NUMB: variants seen among roughly 807,000 people sequenced by gnomAD.
NUMB encodes the protein protein numb homolog.
In NUMB, 29 loss-of-function variants were observed where a neutral mutation model predicts 59.7. The observed-to-expected ratio is 0.49, with a 90% CI of 0.36 to 0.66. The LOEUF (loss-of-function observed/expected upper bound fraction) is 0.66, where lower values mean the gene tolerates loss of function less well. Among genes scored for constraint, NUMB ranks in the 30% least tolerant of loss-of-function variants. NUMB has a pLI of 0.00. For missense variants in NUMB, 723 were observed against 822.0 expected (o/e 0.88, Z 1.47); for synonymous variants, 288 against 288.2 (o/e 1.00, Z 0.01).
At chr14:73,417,776 C>A (rs925435225) in intron 1 of NUMB, among the ~76,000 whole-genome samples, 5 of 152,068 alleles carry the variant, frequency 3.3e-5, no homozygotes, top group African/African-American at 9.7e-5. Context: ...AAGATGAAAA[C>A]AACCTAAGTG....
chr14:73,368,355 T>C (rs1016228420), intron 2 of NUMB, among the ~76,000 whole-genome samples: 1 of 152,086 alleles, frequency 6.6e-6, no homozygotes, highest in African/African-American at 2.4e-5. Flanking sequence ...GGCAAGTGGA[T>C]CGCCTGAGGT....
intron 1 of NUMB, among the ~76,000 whole-genome samples, chr14:73,438,103 C>T (rs1030287169): frequency 5.9e-5 from 9 of 152,162 alleles, no homozygotes; most frequent in Admixed American, 4.6e-4. Context: ...TTCTAGAAAG[C>T]AACTGTGCAA....
intron 1 of NUMB, among the ~76,000 whole-genome samples, chr14:73,437,041 CTTTTTTTTT>C (rs71112755): frequency 9.4e-6 from 1 of 106,664 alleles, no homozygotes; most frequent in African/African-American, 3.7e-5. Flanking sequence ...TTTTCTCTCT[CTTTTTTTTT>C]TTTTTTTTTT....
At chr14:73,351,773 G>A (rs184480801) in intron 4 of NUMB, among the ~76,000 whole-genome samples, 3,940 of 151,986 alleles carry the variant, frequency 0.026, 68 homozygotes, top group Non-Finnish European at 0.042. Flanking sequence ...TCAGGAGATC[G>A]AGACCATCCT....
At chr14:73,445,041 G>A (rs1883374319) in intron 1 of NUMB, among the ~76,000 whole-genome samples, 2 of 151,854 alleles carry the variant, frequency 1.3e-5, no homozygotes, top group Admixed American at 1.3e-4. Flanking sequence ...AAATAAAAGA[G>A]GTCAAGCCTA....
intron 4 of NUMB, among the ~76,000 whole-genome samples, chr14:73,336,306 G>A (rs929067925): frequency 3.3e-5 from 5 of 152,300 alleles, no homozygotes; most frequent in Non-Finnish European, 5.9e-5. Context: ...ACAAAGAGAA[G>A]ATGACAGAAT....
chr14:73,448,810 T>C (rs567055769), intron 1 of NUMB, among the ~76,000 whole-genome samples: 1 of 152,226 alleles, frequency 6.6e-6, no homozygotes, highest in Admixed American at 6.5e-5. Context: ...AACTCACATG[T>C]ATTTGGAAGA....
chr14:73,424,367 G>A (rs1344740865), intron 1 of NUMB, among the ~76,000 whole-genome samples: 8 of 152,044 alleles, frequency 5.3e-5, no homozygotes, highest in South Asian at 2.1e-4. Context: ...TTCTGACAAC[G>A]AATTAACATA....
rs1471690978 is a variant in NUMB, at chr14:73,379,640, A to C, written c.-100-12659T>G. ...GGTTATATTTGAGCAAACAGATCTA[A>C]AGGCAGTTGAGTAGTAAGAGGGCAA... On this transcript the variant is annotated intron_variant, in intron 2 of 12. Coordinates refer to ENST00000555238, the MANE Select transcript of NUMB (RefSeq NM_001005743.2). Among the ~76,000 whole-genome samples the C allele has an allele frequency of 2.0e-5, 3 of 152,208 alleles. No homozygotes were observed. In the East Asian group the frequency reaches 5.8e-4, roughly 29 times the overall value.
chr14:73,321,720 G>A (rs1891414944), intron 5 of NUMB, among the ~76,000 whole-genome samples: 1 of 152,222 alleles, frequency 6.6e-6, no homozygotes, highest in Non-Finnish European at 1.5e-5. Context: ...CGTAATGACA[G>A]ATTGGGAGAG....
At chr14:73,401,968 C>T (rs761390647) in intron 2 of NUMB, among the ~76,000 whole-genome samples, 1 of 152,140 alleles carries the variant, frequency 6.6e-6, no homozygotes, top group South Asian at 2.1e-4. Context: ...CTCAAGCAAT[C>T]TTCCTGCCTC....
chr14:73,352,475 CACATATATATATATATATATATATAT>C (rs1893399973), intron 4 of NUMB, among the ~76,000 whole-genome samples: 184 of 13,728 alleles, frequency 0.013, 28 homozygotes, highest in East Asian at 0.043. Context: ...CACACACACA[CACATATATATATATATATATATATAT>C]ATATATATAT....
chr14:73,299,579 CAT>C (rs34425442), intron 6 of NUMB, among the ~76,000 whole-genome samples: 23 of 139,540 alleles, frequency 1.6e-4, no homozygotes, highest in Middle Eastern at 3.6e-3. Context: ...TATGACATGA[CAT>C]ATGTCATGTC....
chr14:73,286,709 C>T (rs897327399), intron 9 of NUMB: 27 of 237,168 alleles, frequency 1.1e-4, no homozygotes, highest in South Asian at 5.5e-4. Flanking sequence ...TCTCTGCTAG[C>T]ATCATAGTCC....
At chr14:73,323,317 TTGAAATC>T in intron 4 of NUMB, 113 bp from the exon 5 acceptor site, 1 of 651,458 alleles carries the variant, frequency 1.5e-6, no homozygotes, top group East Asian at 3.1e-5. Context: ...CTGAAAAAAT[TTGAAATC>T]TGAAACACTT....
At chr14:73,350,821 G>A (rs1172569079) in intron 4 of NUMB, among the ~76,000 whole-genome samples, 2 of 151,846 alleles carry the variant, frequency 1.3e-5, no homozygotes, top group Non-Finnish European at 1.5e-5. Flanking sequence ...GAGCCACCAT[G>A]CACAGCCTAA....
intron 3 of NUMB, 77 bp downstream of exon 3, chr14:73,366,820 A>G (rs947972119): frequency 6.6e-6 from 1 of 152,214 alleles, no homozygotes; most frequent in Non-Finnish European, 1.5e-5. Flanking sequence ...TAATACTAAC[A>G]CAACTTATCA....
chr14:73,277,391 G>GTTAGGA, intron 12 of NUMB, 98 bp from the exon 13 acceptor site: 1 of 954,472 alleles, frequency 1.0e-6, no homozygotes, highest in Non-Finnish European at 1.5e-6. Flanking sequence ...TGTACAACAT[G>GTTAGGA]TCCCCCCCTA....
chr14:73,302,413 T>G (rs1261009829), intron 6 of NUMB, among the ~76,000 whole-genome samples: 2 of 144,616 alleles, frequency 1.4e-5, no homozygotes, highest in Admixed American at 1.4e-4. Context: ...TTCTTTTTTT[T>G]TTTTTTTTTT....
Sources: gnomAD v4.1 joint callset for allele counts (sites outside exome capture counted in the v4.1 genomes callset) on GRCh38, gnomAD v4.1.1 for gene constraint, MANE v1.5 for transcripts, NCBI Gene and HGNC (gene_info 2026-07-23, HGNC 2026-07-21) for gene names.